The following ZNF547 variants were observed in gnomAD, a reference collection of about 807,000 sequenced individuals.
ZNF547 encodes the protein zinc finger protein 547.
A neutral mutation model predicts 7.7 loss-of-function variants in ZNF547; 4 were observed. That is an observed-to-expected ratio of 0.52 (90% confidence interval 0.26 to 1.20). The LOEUF (loss-of-function observed/expected upper bound fraction) is 1.20. Ranked by LOEUF, ZNF547 falls within the 50% of genes most tolerant of loss-of-function variation. The pLI is 0.14. For missense variants in ZNF547, 449 were observed against 485.8 expected (o/e 0.92, Z 0.71); for synonymous variants, 166 against 166.2 (o/e 1.00, Z 0.01).
chr19:57,365,414 T>A, intron 1 of ZNF547: 1 of 618,230 alleles, frequency 1.6e-6, no homozygotes. Flanking sequence ...AATAGTACAT[T>A]CTGTCTCATG....
intron 1 of ZNF547, among the ~76,000 whole-genome samples, chr19:57,367,426 GAAA>G (rs750776299): frequency 1.5e-5 from 1 of 65,702 alleles, no homozygotes; most frequent in African/African-American, 4.5e-5. Flanking sequence ...GTTTGTTCAA[GAAA>G]AAAAAAAAAA....
intron 3 of ZNF547, among the ~76,000 whole-genome samples, chr19:57,375,251 G>T (rs899655747): frequency 1.3e-4 from 20 of 152,112 alleles, no homozygotes; most frequent in African/African-American, 4.6e-4. Flanking sequence ...TCGGGAGGCT[G>T]AAGCAAGAGA....
chr19:57,368,544 G>A lies in ZNF547; in HGVS notation c.-12G>A. On this transcript the variant is annotated splice_region_variant and 5_prime_UTR_variant, in exon 2 of 4. Coordinates refer to ENST00000282282, the MANE Select transcript of ZNF547 (RefSeq NM_173631.4). ...TCTCACGGTTTCCCTCTTCCTTCAGGGTCCCCTGGCGATGGCAGAAATGAA... is the reference window on the plus strand; with the variant it reads ...TCTCACGGTTTCCCTCTTCCTTCAGAGTCCCCTGGCGATGGCAGAAATGAA... 1.2e-6 allele frequency: 2 copies of A among 1,613,952 alleles called. No homozygotes were observed. Among genetic ancestry groups the A allele is most frequent in the Non-Finnish European group, 1.7e-6 (2 of 1,179,940 alleles).
Position 57,378,108 on chromosome 19 carries a change from A to T in ZNF547, c.1132A>T (p.Lys378Ter), listed in dbSNP as rs768125590. 6.2e-7 allele frequency: 1 copy of T among 1,613,622 alleles called. No homozygotes were observed. The highest frequency in any genetic ancestry group is 8.5e-7 in the Non-Finnish European group (1 of 1,179,776). ...TCATCAGACAGTTCACACTGCAGCA[A>T]AGCAGTGCAGTGAATGTGGGAAATT... The part of the protein sequence containing the change: ...ICHQTVHTAA[K>*]QCSECGKFFR... The change falls in exon 4 of 4, where the codon AAG becomes TAG. Residue 378 changes from lysine to a stop codon, truncating the protein, a stop_gained. Transcript: ENST00000282282. LOFTEE classifies it low-confidence loss of function (END_TRUNC).
At position 57,378,593 on chromosome 19, in the gene ZNF547, A is replaced by T. The variant is rs1429078650; in HGVS notation, c.*408A>T. ...TTAGACATCATGTAGTTCACACTGG[A>T]AAAAGGCCACGTATGTGCCTTGAAT... On this transcript the variant is annotated 3_prime_UTR_variant, in exon 4 of 4. Coordinates refer to ENST00000282282, the MANE Select transcript of ZNF547 (RefSeq NM_173631.4). The T allele has an allele frequency of 2.7e-6, 1 of 364,754 alleles. No homozygotes were observed. Among genetic ancestry groups the T allele is most frequent in the Non-Finnish European group, 5.3e-6 (1 of 187,194 alleles). 22.6% of individuals were successfully genotyped at this position (364,754 alleles called of 1,614,324 possible). A position where few individuals can be genotyped will look rare whatever the true frequency, so the allele number is the denominator to read the frequency against.
intron 1 of ZNF547, chr19:57,364,024 G>A (rs567867781): frequency 6.6e-6 from 1 of 152,448 alleles, no homozygotes; most frequent in Non-Finnish European, 1.5e-5. Flanking sequence ...AGGTTGTCAA[G>A]GGAAGACCAG....
Position 57,378,072 on chromosome 19 carries a change from C to T in ZNF547, c.1096C>T (p.His366Tyr). 5 of 1,614,028 alleles carry T rather than the reference C, an allele frequency of 3.1e-6. No individual in the cohort carries two copies. Among genetic ancestry groups the T allele is most frequent in the Non-Finnish European group, 4.2e-6 (5 of 1,180,008 alleles). The change falls in exon 4 of 4, where the codon CAC becomes TAC. Residue 366 changes from histidine (H) to tyrosine (Y), a missense_variant. His to Tyr is a moderately conservative substitution (Grantham distance 83, BLOSUM62 2). Transcript: ENST00000282282. ...ECGKAFLTKS[H>Y]LICHQTVHTA... ...TGGGAAGGCCTTCCTTACAAAGTCC[C>T]ACCTCATTTGTCATCAGACAGTTCA...
At chr19:57,368,458 G>T in intron 1 of ZNF547, 86 bp from the exon 2 acceptor site, 1 of 1,314,470 alleles carries the variant, frequency 7.6e-7, no homozygotes, top group South Asian at 1.2e-5. Flanking sequence ...TTTGCTTTAG[G>T]GTAAGGAAGA....
chr19:57,368,692 C>T, intron 2 of ZNF547, 113 bp downstream of exon 2: 1 of 1,021,972 alleles, frequency 9.8e-7, no homozygotes, highest in Non-Finnish European at 1.5e-6. Flanking sequence ...TTCTCCCTCT[C>T]TTATGTCTGA....
chr19:57,370,192 A>G (rs1006202610), intron 2 of ZNF547, among the ~76,000 whole-genome samples: 2 of 152,136 alleles, frequency 1.3e-5, no homozygotes, highest in Admixed American at 1.3e-4. Context: ...CACCCAGCCC[A>G]TAGTTCTTCA....
At chr19:57,370,957 G>GTT (rs11430895) in intron 2 of ZNF547, 86 of 144,614 alleles carry the variant, frequency 5.9e-4, no homozygotes, top group East Asian at 1.0e-3. Context: ...GGGGTTTTTT[G>GTT]TTTTTTTTTT....
At chr19:57,367,914 G>A (rs543467559) in intron 1 of ZNF547, among the ~76,000 whole-genome samples, 5 of 152,336 alleles carry the variant, frequency 3.3e-5, no homozygotes, top group African/African-American at 1.2e-4. Context: ...GTAACAGGCA[G>A]GCCTGGTTGC....
intron 2 of ZNF547, among the ~76,000 whole-genome samples, chr19:57,369,115 G>C (rs941131310): frequency 1.3e-5 from 2 of 152,162 alleles, no homozygotes; most frequent in African/African-American, 2.4e-5. Flanking sequence ...TTTGGCGTCT[G>C]AGTGGAGGAC....
intron 1 of ZNF547, chr19:57,364,444 TCAAA>T: frequency 4.9e-6 from 1 of 204,470 alleles, no homozygotes; most frequent in South Asian, 8.2e-5. Context: ...TGTAGATTCT[TCAAA>T]AGAATAGAGG....
At chr19:57,365,421 C>T (rs1174711822) in intron 1 of ZNF547, 10 of 605,680 alleles carry the variant, frequency 1.7e-5, no homozygotes, top group Admixed American at 3.0e-5. Flanking sequence ...CATTCTGTCT[C>T]ATGTCACATA....
chr19:57,370,222 C>T (rs538355499), intron 2 of ZNF547, among the ~76,000 whole-genome samples: 10 of 152,224 alleles, frequency 6.6e-5, no homozygotes, highest in Non-Finnish European at 1.5e-4. Flanking sequence ...GGAAGCATAA[C>T]TCGGAGGCCT....
chr19:57,365,489 CAAT>C (rs112430236), intron 1 of ZNF547: 8,927 of 410,496 alleles, frequency 0.022, 632 homozygotes, highest in African/African-American at 0.16. Context: ...AACTCATTAT[CAAT>C]AATAATTAAT....
intron 3 of ZNF547, 26 bp from the exon 4 acceptor site, chr19:57,377,102 C>T (rs1168809973): frequency 6.3e-7 from 1 of 1,597,152 alleles, no homozygotes; most frequent in Admixed American, 1.7e-5. Flanking sequence ...TCAACATGCA[C>T]CTCACCAGCA....
chr19:57,374,193 C>T (rs2088522704), intron 3 of ZNF547, among the ~76,000 whole-genome samples: 1 of 152,262 alleles, frequency 6.6e-6, no homozygotes, highest in Non-Finnish European at 1.5e-5. Context: ...GGCCCAACAC[C>T]ATGTGCAAGC....
Sources: gnomAD v4.1 joint callset for allele counts (sites outside exome capture counted in the v4.1 genomes callset) on GRCh38, gnomAD v4.1.1 for gene constraint, MANE v1.5 for transcripts, NCBI Gene and HGNC (gene_info 2026-07-23, HGNC 2026-07-21) for gene names.